ARB2A: variants seen among roughly 807,000 people sequenced by gnomAD.
ARB2A encodes the protein ARB2 cotranscriptional regulator A, also known as cotranscriptional regulator ARB2A.
At chr5:94,012,216 C>T in the ARB2A span, among the ~76,000 whole-genome samples, 13 of 152,082 alleles carry the variant, frequency 8.5e-5, no homozygotes, top group Admixed American at 3.3e-4. Flanking sequence ...TCCTGGCTAA[C>T]ACGGTGAAAC....
At chr5:93,974,086 T>G in the ARB2A span, among the ~76,000 whole-genome samples, 3 of 152,170 alleles carry the variant, frequency 2.0e-5, no homozygotes, top group African/African-American at 7.2e-5. Context: ...TACACTCCAC[T>G]TAAAAGACAC....
At chr5:93,819,394 T>C in the ARB2A span, among the ~76,000 whole-genome samples, 1 of 152,138 alleles carries the variant, frequency 6.6e-6, no homozygotes, top group Non-Finnish European at 1.5e-5. Context: ...CTAATTAGTA[T>C]GTATCTTGAA....
the ARB2A span, among the ~76,000 whole-genome samples, chr5:93,781,487 C>T: frequency 1.3e-5 from 2 of 152,090 alleles, no homozygotes; most frequent in South Asian, 2.1e-4. Flanking sequence ...AATAGCACTG[C>T]GATAAACATA....
chr5:94,106,095 C>T, the ARB2A span, among the ~76,000 whole-genome samples: 2 of 151,830 alleles, frequency 1.3e-5, no homozygotes, highest in Non-Finnish European at 2.9e-5. Context: ...TATGAAGACT[C>T]CAAAAGCAAC....
the ARB2A span, among the ~76,000 whole-genome samples, chr5:93,996,135 T>C: frequency 6.6e-6 from 1 of 151,950 alleles, no homozygotes; most frequent in African/African-American, 2.4e-5. Context: ...TATCACTAAT[T>C]AGGAAAGATG....
chr5:93,897,482 A>C, the ARB2A span, among the ~76,000 whole-genome samples: 1 of 152,068 alleles, frequency 6.6e-6, no homozygotes, highest in South Asian at 2.1e-4. Context: ...AAAAAGAATA[A>C]TTGATGCTCC....
At chr5:93,895,349 T>G in the ARB2A span, among the ~76,000 whole-genome samples, 3 of 152,312 alleles carry the variant, frequency 2.0e-5, no homozygotes, top group South Asian at 6.2e-4. Context: ...GGAAAAGCAG[T>G]AAGCATTTGA....
At chr5:94,027,127 G>C in the ARB2A span, among the ~76,000 whole-genome samples, 1 of 152,184 alleles carries the variant, frequency 6.6e-6, no homozygotes, top group African/African-American at 2.4e-5. Flanking sequence ...AACATCCTTG[G>C]GGGTAATAAG....
the ARB2A span, among the ~76,000 whole-genome samples, chr5:94,085,063 G>A: frequency 6.6e-6 from 1 of 152,114 alleles, no homozygotes; most frequent in African/African-American, 2.4e-5. Flanking sequence ...TCTTATTCAT[G>A]TTTCTGGTCA....
chr5:93,779,088 AGAGTGT>A, the ARB2A span, among the ~76,000 whole-genome samples: 3 of 99,798 alleles, frequency 3.0e-5, no homozygotes, highest in East Asian at 7.4e-4. Context: ...TGGTCATTTC[AGAGTGT>A]GTGTGTGTGT....
the ARB2A span, among the ~76,000 whole-genome samples, chr5:93,950,943 CA>C: frequency 0.065 from 5,154 of 79,166 alleles, 115 homozygotes; most frequent in East Asian, 0.19. Context: ...GACTCTGTCT[CA>C]AAAAAAAAAA....
At chr5:93,717,835 CTT>C in the ARB2A span, among the ~76,000 whole-genome samples, 43 of 136,250 alleles carry the variant, frequency 3.2e-4, no homozygotes, top group Admixed American at 8.9e-4. Flanking sequence ...AATTCATATT[CTT>C]TTTTTTTTTT....
the ARB2A span, among the ~76,000 whole-genome samples, chr5:93,828,427 T>G: frequency 6.6e-6 from 1 of 152,206 alleles, no homozygotes; most frequent in Non-Finnish European, 1.5e-5. Flanking sequence ...GCTTGTGATT[T>G]TCATCTGTTA....
At chr5:93,781,365 G>C in the ARB2A span, among the ~76,000 whole-genome samples, 1 of 152,058 alleles carries the variant, frequency 6.6e-6, no homozygotes, top group African/African-American at 2.4e-5. Context: ...TGGCTGAGTA[G>C]TATTCCACAG....
the ARB2A span, among the ~76,000 whole-genome samples, chr5:94,011,530 G>T: frequency 6.6e-6 from 1 of 152,018 alleles, no homozygotes; most frequent in African/African-American, 2.4e-5. Context: ...ATAACTAAAT[G>T]AATGAATGAG....
At chr5:93,852,594 C>G in the ARB2A span, among the ~76,000 whole-genome samples, 2 of 152,036 alleles carry the variant, frequency 1.3e-5, no homozygotes, top group Non-Finnish European at 2.9e-5. Flanking sequence ...TTAGGTCTAA[C>G]GTTTAAGTCT....
At chr5:93,722,377 T>C in the ARB2A span, among the ~76,000 whole-genome samples, 1 of 152,144 alleles carries the variant, frequency 6.6e-6, no homozygotes, top group African/African-American at 2.4e-5. Context: ...CAACTTACTT[T>C]ATGCACAGTA....
the ARB2A span, among the ~76,000 whole-genome samples, chr5:93,946,782 C>T: frequency 2.0e-5 from 3 of 152,200 alleles, no homozygotes; most frequent in East Asian, 3.9e-4. Context: ...ATGTATGAAT[C>T]ACAGTTTTAT....
At chr5:93,955,895 C>T in the ARB2A span, among the ~76,000 whole-genome samples, 1 of 152,136 alleles carries the variant, frequency 6.6e-6, no homozygotes, top group Non-Finnish European at 1.5e-5. Context: ...TGCTTTTTAC[C>T]CCTTTTTAGA....
Sources: gnomAD v4.1 joint callset for allele counts (sites outside exome capture counted in the v4.1 genomes callset) on GRCh38, gnomAD v4.1.1 for gene constraint, MANE v1.5 for transcripts, NCBI Gene and HGNC (gene_info 2026-07-23, HGNC 2026-07-21) for gene names.